The following DENND1A variants were observed in gnomAD, a reference collection of about 807,000 sequenced individuals.
DENND1A encodes DENN domain-containing protein 1A.
A neutral mutation model predicts 113.7 loss-of-function variants in DENND1A; 51 were observed. The ratio of observed to expected loss-of-function variants is 0.45; its 90% CI spans 0.36 to 0.57. The LOEUF is 0.57. DENND1A is among the 20% of genes least tolerant of loss of function. The pLI is 0.00. For missense variants in DENND1A, 1,258 were observed against 1,395.9 expected (o/e 0.90, Z 1.57); for synonymous variants, 565 against 570.8 (o/e 0.99, Z 0.14).
At chr9:123,497,246 G>A (rs1324238929) in intron 13 of DENND1A, among the ~76,000 whole-genome samples, 1 of 152,232 alleles carries the variant, frequency 6.6e-6, no homozygotes, top group African/African-American at 2.4e-5. Context: ...CACAGGGCCA[G>A]GCACAGTGCA....
chr9:123,750,720 C>T (rs879388598), intron 5 of DENND1A, among the ~76,000 whole-genome samples: 8 of 152,162 alleles, frequency 5.3e-5, no homozygotes, highest in East Asian at 1.9e-4. Context: ...CTCTGTTAAA[C>T]GGTATGAAAG....
At chr9:123,676,620 A>C (rs1218414401) in intron 6 of DENND1A, 100 bp downstream of exon 6, 30 of 1,075,778 alleles carry the variant, frequency 2.8e-5, no homozygotes, top group Non-Finnish European at 3.6e-5. Flanking sequence ...TATAATGGGC[A>C]TGCATCACTT....
chr9:123,629,739 T>A (rs907724509), intron 10 of DENND1A, among the ~76,000 whole-genome samples: 1 of 152,236 alleles, frequency 6.6e-6, no homozygotes, highest in Admixed American at 6.5e-5. Flanking sequence ...TAGCGCTGCC[T>A]GGCTTGTGCT....
At chr9:123,813,651 G>A (rs558239479) in intron 2 of DENND1A, among the ~76,000 whole-genome samples, 26 of 152,096 alleles carry the variant, frequency 1.7e-4, no homozygotes, top group East Asian at 3.9e-4. Context: ...AAAGATCTGC[G>A]TTCACAATTA....
Position 123,446,813 on chromosome 9 carries a change from AAAAC to A in DENND1A, c.1356+3876_1356+3879del, listed in dbSNP as rs1458567242. Among the ~76,000 whole-genome samples the A allele has an allele frequency of 2.6e-5, 4 of 152,224 alleles. No individual in the cohort carries two copies. In the East Asian group the frequency reaches 5.8e-4, roughly 22 times the overall value. ...GTGAGACCCTGTTTCAAAACAAAGA[AAAAC>A]AAAATAAAAAAAAGAAAAGAAGAAG... On this transcript the variant is annotated intron_variant, in intron 18 of 23. Transcript: ENST00000394215.
chr9:123,766,700 G>A (rs933228331), intron 4 of DENND1A, among the ~76,000 whole-genome samples: 1 of 152,242 alleles, frequency 6.6e-6, no homozygotes, highest in Admixed American at 6.5e-5. Flanking sequence ...TTGTTCAAAT[G>A]AAGATAATGG....
At chr9:123,387,661 C>G (rs558191946) in intron 22 of DENND1A, 69 bp downstream of exon 22, 20 of 1,273,320 alleles carry the variant, frequency 1.6e-5, no homozygotes, top group Middle Eastern at 2.2e-4. Context: ...ACCAGCCCCC[C>G]GCTTTCGCCA....
intron 2 of DENND1A, among the ~76,000 whole-genome samples, chr9:123,818,517 T>TACACACACAC (rs1469959491): frequency 8.1e-6 from 1 of 123,132 alleles, no homozygotes; most frequent in Non-Finnish European, 1.7e-5. Flanking sequence ...TATACATACA[T>TACACACACAC]ATACACACAC....
At chr9:123,525,326 CT>C (rs1183757398) in intron 13 of DENND1A, among the ~76,000 whole-genome samples, 2 of 152,178 alleles carry the variant, frequency 1.3e-5, no homozygotes, top group Non-Finnish European at 2.9e-5. Context: ...TAAATTTACT[CT>C]TGTTGGGGGT....
chr9:123,578,279 G>A (rs1387038447), intron 12 of DENND1A, among the ~76,000 whole-genome samples: 2 of 152,238 alleles, frequency 1.3e-5, no homozygotes, highest in Non-Finnish European at 2.9e-5. Flanking sequence ...CAGTGGGATA[G>A]TAGGCCTCAC....
intron 13 of DENND1A, among the ~76,000 whole-genome samples, chr9:123,549,993 T>A (rs1243470708): frequency 6.6e-6 from 1 of 152,208 alleles, no homozygotes; most frequent in African/African-American, 2.4e-5. Context: ...GGTTACTCAA[T>A]CAGGACACAG....
intron 5 of DENND1A, among the ~76,000 whole-genome samples, chr9:123,752,817 T>A (rs1021752116): frequency 6.6e-6 from 1 of 152,244 alleles, no homozygotes; most frequent in South Asian, 2.1e-4. Context: ...TGGTACAATA[T>A]GAAAATGCTA....
chr9:123,444,152 T>C (rs886944931), intron 18 of DENND1A, among the ~76,000 whole-genome samples: 2 of 152,188 alleles, frequency 1.3e-5, no homozygotes, highest in East Asian at 1.9e-4. Context: ...GGAATATAAA[T>C]TGGCAATTTA....
At chr9:123,396,917 ATCT>A (rs933285997) in intron 21 of DENND1A, among the ~76,000 whole-genome samples, 5 of 152,214 alleles carry the variant, frequency 3.3e-5, no homozygotes, top group Admixed American at 1.3e-4. Flanking sequence ...TGGAGCAGAA[ATCT>A]TCTTACAACT....
chr9:123,802,153 C>G (rs1204572012), intron 2 of DENND1A, among the ~76,000 whole-genome samples: 1 of 152,178 alleles, frequency 6.6e-6, no homozygotes, highest in Non-Finnish European at 1.5e-5. Flanking sequence ...GCAAAACTTG[C>G]AACCTCTTCT....
rs539015043 is a variant in DENND1A, at chr9:123,510,159, C to T, written c.993+47411G>A. On this transcript the variant is annotated intron_variant, in intron 13 of 23. Coordinates refer to ENST00000394215, the MANE Select transcript of DENND1A (RefSeq NM_001352964.2). The stretch of plus-strand genomic sequence containing the variant: ...GCTGTAGCCCAGGAAAACACAGTCG[C>T]TACACAACCTCCTCCTCATCTCTCA... Among the ~76,000 whole-genome samples the T allele has an allele frequency of 1.6e-4, 24 of 152,366 alleles. No individual in the cohort carries two copies. In the East Asian group the frequency reaches 4.0e-3, roughly 26 times the overall value.
rs141759269 is a variant in DENND1A, at chr9:123,652,086, T to G, written c.545A>C (p.Asn182Thr). 4.5e-4 allele frequency: 722 copies of G among 1,614,022 alleles called. No homozygotes were observed. The highest frequency in any genetic ancestry group is 5.9e-4 in the Non-Finnish European group (695 of 1,180,034). The stretch of plus-strand genomic sequence containing the variant: ...ACTGGCGTACAGATGCAACATGTTG[T>G]TAACATCCACAGCCACAAAATATTC... The part of the protein sequence containing the change: ...LTEYFVAVDV[N>T]NMLHLYASML... The change falls in exon 9 of 24, where the codon AAC becomes ACC. Residue 182 changes from asparagine (N) to threonine (T), a missense_variant. Asn to Thr is a moderately conservative substitution (Grantham distance 65). Transcript: ENST00000394215.
At chr9:123,698,519 G>C (rs1653505612) in intron 5 of DENND1A, among the ~76,000 whole-genome samples, 1 of 152,218 alleles carries the variant, frequency 6.6e-6, no homozygotes, top group African/African-American at 2.4e-5. Context: ...TCTTCTCTCA[G>C]ATGGAAAAGC....
chr9:123,766,863 A>G (rs1217604016), intron 4 of DENND1A, among the ~76,000 whole-genome samples: 1 of 152,252 alleles, frequency 6.6e-6, no homozygotes, highest in Non-Finnish European at 1.5e-5. Context: ...CAAGATGTCA[A>G]TGTTAACGGG....
Sources: gnomAD v4.1 joint callset for allele counts (sites outside exome capture counted in the v4.1 genomes callset) on GRCh38, gnomAD v4.1.1 for gene constraint, MANE v1.5 for transcripts, NCBI Gene and HGNC (gene_info 2026-07-23, HGNC 2026-07-21) for gene names.